The following TSPAN7 variants were observed in gnomAD, a reference collection of about 807,000 sequenced individuals.
TSPAN7 encodes tetraspanin 7.
In TSPAN7, 1 loss-of-function variant was observed where a neutral mutation model predicts 17.6. The observed-to-expected ratio is 0.06, with a 90% confidence interval of 0.02 to 0.27. The LOEUF is 0.27. Among genes scored for constraint, TSPAN7 ranks in the 10% least tolerant of loss-of-function variants. The pLI, the probability that TSPAN7 is intolerant of heterozygous loss-of-function variation, is 1.00. For synonymous variants in TSPAN7, 78 were observed against 79.0 expected (o/e 0.99, Z 0.07); for missense variants, 112 against 201.7 (o/e 0.56, Z 2.69).
chrX:38,631,592 CAG>C (rs2069552178), intron 1 of TSPAN7, among the ~76,000 whole-genome samples: 2 of 111,049 alleles, frequency 1.8e-5, no homozygotes, highest in Non-Finnish European at 3.8e-5. Flanking sequence ...TAAACAGAAA[CAG>C]ACAGCTATGG....
chrX:38,621,711 A>G (rs1177899286), intron 1 of TSPAN7, among the ~76,000 whole-genome samples: 1 of 74,860 alleles, frequency 1.3e-5, no homozygotes, highest in Non-Finnish European at 2.3e-5. Flanking sequence ...TGTATCTTTT[A>G]AATTTTGTAT....
intron 1 of TSPAN7, among the ~76,000 whole-genome samples, chrX:38,562,309 A>G (rs1478542766): frequency 2.7e-5 from 3 of 110,455 alleles, no homozygotes; most frequent in African/African-American, 6.6e-5. Flanking sequence ...TTCCTTTCCC[A>G]CCTCCCTGCA....
chrX:38,611,605 G>A (rs2069418825), intron 1 of TSPAN7, among the ~76,000 whole-genome samples: 1 of 111,405 alleles, frequency 9.0e-6, no homozygotes. Context: ...TTCTGTGACT[G>A]CTGTCTTGGG....
Position 38,681,216 on chromosome X carries a change from C to T in TSPAN7, c.610C>T (p.Leu204=). 1 of 1,209,315 alleles carries T rather than the reference C, an allele frequency of 8.3e-7. No individual in the cohort carries two copies. Among genetic ancestry groups the T allele is most frequent in the Non-Finnish European group, 1.1e-6 (1 of 893,421 alleles). ...TTTCTCTTTCCAGGGTTGTTATGATCTGGTAACTAGTTTCATGGAGACTAA... is the reference window on the plus strand; with the variant it reads ...TTTCTCTTTCCAGGGTTGTTATGATTTGGTAACTAGTTTCATGGAGACTAA... The part of the protein sequence containing the change: ...TKVNQKGCYD[L]VTSFMETNMG... The change falls in exon 6 of 8, where the codon CTG becomes TTG. Residue 204 remains leucine, a synonymous_variant. Transcript: ENST00000378482.
intron 1 of TSPAN7, among the ~76,000 whole-genome samples, chrX:38,585,090 T>A (rs1351548921): frequency 8.9e-6 from 1 of 112,208 alleles, no homozygotes; most frequent in Non-Finnish European, 1.9e-5. Flanking sequence ...TACCATAAAT[T>A]ATCTGTTCCA....
intron 1 of TSPAN7, among the ~76,000 whole-genome samples, chrX:38,608,998 G>A (rs2069402035): frequency 9.0e-6 from 1 of 111,357 alleles, no homozygotes; most frequent in Non-Finnish European, 1.9e-5. Context: ...TTTCTTGCAC[G>A]TGCATTTTTC....
chrX:38,576,445 T>A, intron 1 of TSPAN7, among the ~76,000 whole-genome samples: 1 of 112,551 alleles, frequency 8.9e-6, no homozygotes, highest in East Asian at 2.8e-4. Context: ...AATATCTCAT[T>A]TTTTACATTA....
chrX:38,579,131 A>G (rs1262524645), intron 1 of TSPAN7, among the ~76,000 whole-genome samples: 1 of 111,780 alleles, frequency 8.9e-6, no homozygotes, highest in Non-Finnish European at 1.9e-5. Context: ...TTCATAATGA[A>G]GAGAACCGTT....
At chrX:38,573,070 T>C (rs974002177) in intron 1 of TSPAN7, among the ~76,000 whole-genome samples, 8 of 111,794 alleles carry the variant, frequency 7.2e-5, no homozygotes, top group Non-Finnish European at 1.5e-4. Flanking sequence ...CAAATAACAT[T>C]CAAGTGCATT....
At chrX:38,680,577 CTCTCTCTG>C (rs1476311702) in intron 5 of TSPAN7, among the ~76,000 whole-genome samples, 5 of 103,335 alleles carry the variant, frequency 4.8e-5, no homozygotes, top group African/African-American at 1.9e-4. Flanking sequence ...CTCTCTCTCT[CTCTCTCTG>C]GAAAAGATGA....
intron 1 of TSPAN7, among the ~76,000 whole-genome samples, chrX:38,582,286 C>T (rs2069231674): frequency 1.8e-5 from 2 of 112,277 alleles, no homozygotes; most frequent in Admixed American, 9.4e-5. Context: ...ACCAGCTACA[C>T]GCCAACATCA....
At chrX:38,579,800 G>A (rs1602086313) in intron 1 of TSPAN7, among the ~76,000 whole-genome samples, 1 of 109,771 alleles carries the variant, frequency 9.1e-6, no homozygotes, top group East Asian at 2.9e-4. Flanking sequence ...GTAGATTTTG[G>A]CATTATGCCT....
At chrX:38,655,966 T>G (rs1011664297) in intron 1 of TSPAN7, 3 of 317,437 alleles carry the variant, frequency 9.5e-6, no homozygotes, top group African/African-American at 8.0e-5. Flanking sequence ...TTGGCATTTA[T>G]GGAAAAATTG....
At chrX:38,649,836 C>T (rs1050709598) in intron 1 of TSPAN7, among the ~76,000 whole-genome samples, 1 of 111,999 alleles carries the variant, frequency 8.9e-6, no homozygotes, top group Middle Eastern at 4.6e-3. Context: ...GTGGGTTGCC[C>T]GGCTCACAGC....
intron 6 of TSPAN7, among the ~76,000 whole-genome samples, chrX:38,682,123 T>C (rs1334605987): frequency 8.9e-6 from 1 of 112,602 alleles, no homozygotes; most frequent in Admixed American, 9.4e-5. Flanking sequence ...CAACAGATCA[T>C]GTTTCAAACA....
chrX:38,622,666 G>A (rs1324592568), intron 1 of TSPAN7, among the ~76,000 whole-genome samples: 1 of 112,545 alleles, frequency 8.9e-6, no homozygotes, highest in Non-Finnish European at 1.9e-5. Context: ...TGGGAAGGTG[G>A]AGAGATTGAG....
intron 1 of TSPAN7, among the ~76,000 whole-genome samples, chrX:38,662,330 C>T (rs1202239499): frequency 1.8e-5 from 2 of 112,172 alleles, no homozygotes; most frequent in African/African-American, 6.5e-5. Context: ...TAGTTCTTCA[C>T]AGAGGTTCAG....
intron 2 of TSPAN7, among the ~76,000 whole-genome samples, chrX:38,667,467 C>T (rs2069790600): frequency 8.9e-6 from 1 of 112,174 alleles, no homozygotes; most frequent in African/African-American, 3.2e-5. Context: ...GCCATGTTGC[C>T]TGTCCCTGTG....
intron 1 of TSPAN7, among the ~76,000 whole-genome samples, chrX:38,595,453 G>A (rs2069314341): frequency 9.0e-6 from 1 of 111,669 alleles, no homozygotes; most frequent in African/African-American, 3.3e-5. Flanking sequence ...TTCATAGCTT[G>A]AGCTAAGATG....
Sources: allele counts gnomAD v4.1 joint callset (sites outside exome capture counted in the v4.1 genomes callset), GRCh38; gene constraint gnomAD v4.1.1; transcripts MANE v1.5; gene names NCBI Gene and HGNC (gene_info 2026-07-23, HGNC 2026-07-21).